C7orf57: variants seen among roughly 807,000 people sequenced by gnomAD.
C7orf57 encodes uncharacterized protein C7orf57.
C7orf57 carries 33 observed loss-of-function variants against 39.0 expected under a neutral mutation model. That is an observed-to-expected ratio of 0.85 (90% CI 0.64 to 1.13). C7orf57 has a LOEUF of 1.13. Among genes scored for constraint, C7orf57 ranks in the 50% most tolerant of loss-of-function variants. C7orf57 has a pLI of 0.00. For synonymous variants in C7orf57, 124 were observed against 137.1 expected (o/e 0.90, Z 0.67); for missense variants, 346 against 362.3 (o/e 0.95, Z 0.37).
intron 4 of C7orf57, among the ~76,000 whole-genome samples, chr7:48,044,085 G>T (rs1473283589): frequency 6.6e-6 from 1 of 152,186 alleles, no homozygotes; most frequent in East Asian, 1.9e-4. Context: ...GGCTCCATTA[G>T]GACGAACCCG....
intron 2 of C7orf57, among the ~76,000 whole-genome samples, chr7:48,037,749 C>CTGTGTGTGTGTGTGTGTG (rs71006544): frequency 4.3e-4 from 65 of 150,682 alleles, no homozygotes; most frequent in Admixed American, 6.0e-4. Context: ...CTTTAACCCT[C>CTGTGTGTGTGTGTGTGTG]TGTGTGTGTG....
chr7:48,045,479 C>T (rs1879831), intron 4 of C7orf57, among the ~76,000 whole-genome samples: 130,345 of 151,866 alleles, frequency 0.86, 56,493 homozygotes, highest in Non-Finnish European at 0.93. Context: ...AGCCTCTGAC[C>T]GCTGCTCTCT....
In C7orf57 at chr7:48,037,749, C is replaced by CTGTGTGTGTGTGTGTG. The variant is rs71006544; in HGVS notation, c.55+1391_55+1406dup. ...GATAACTCTTAGTCCCTTTAACCCT[C>CTGTGTGTGTGTGTGTG]TGTGTGTGTGTGTGTGTGTGCGCGC... On this transcript the variant is annotated intron_variant, in intron 2 of 8. Coordinates refer to ENST00000348904, the MANE Select transcript of C7orf57 (RefSeq NM_001100159.3). 1.0e-2 allele frequency among the ~76,000 whole-genome samples: 1,501 copies of CTGTGTGTGTGTGTGTG among 150,672 alleles called. 12 individuals are homozygous for CTGTGTGTGTGTGTGTG. Among genetic ancestry groups the CTGTGTGTGTGTGTGTG allele is most frequent in the Middle Eastern group, 0.028 (8 of 288 alleles).
At position 48,035,747 on chromosome 7, in the gene C7orf57, C is replaced by A. The variant is rs1306425899; in HGVS notation, c.-102+117C>A. ...GCCGGGGCTGGAGGGAGGGGACCAC[C>A]TTGTCGCCGGGTTGGGATGAGCACA... is the stretch of plus-strand genomic sequence containing the variant. On this transcript the variant is annotated intron_variant, in intron 1 of 8. Coordinates refer to ENST00000348904, the MANE Select transcript of C7orf57 (RefSeq NM_001100159.3). The surrounding 1 kb of genome is among the most constrained non-coding windows in gnomAD (Gnocchi z 4.0). 6.9e-6 allele frequency: 4 copies of A among 583,090 alleles called. No individual in the cohort carries two copies. Among genetic ancestry groups the A allele is most frequent in the African/African-American group, 2.0e-5 (1 of 51,166 alleles). 36.1% of individuals were successfully genotyped at this position (583,090 alleles called of 1,614,324 possible). A position where few individuals can be genotyped will look rare whatever the true frequency, so the allele number is the denominator to read the frequency against.
intron 6 of C7orf57, among the ~76,000 whole-genome samples, chr7:48,052,184 G>A (rs1044685473): frequency 2.9e-4 from 44 of 151,938 alleles, no homozygotes; most frequent in African/African-American, 1.0e-3. Context: ...AGGTTGACCA[G>A]GATGGCCTCG....
chr7:48,044,094 C>G (rs997602151), intron 4 of C7orf57, among the ~76,000 whole-genome samples: 2 of 152,128 alleles, frequency 1.3e-5, no homozygotes, highest in African/African-American at 4.8e-5. Flanking sequence ...AGGACGAACC[C>G]GGGCACTTAG....
At chr7:48,056,484 G>A (rs1791118722) in intron 8 of C7orf57, among the ~76,000 whole-genome samples, 1 of 151,816 alleles carries the variant, frequency 6.6e-6, no homozygotes, top group African/African-American at 2.4e-5. Context: ...TTGTTACTTG[G>A]GCTTTTGGTG....
rs1156334432 is a variant in C7orf57, at chr7:48,061,039, T to C, written c.*767T>C. The C allele has an allele frequency of 6.6e-6, 1 of 152,012 alleles. No individual in the cohort carries two copies. Among genetic ancestry groups the C allele is most frequent in the African/African-American group, 2.4e-5 (1 of 41,454 alleles). 9.4% of individuals were successfully genotyped at this position (152,012 alleles called of 1,614,324 possible). Reference sequence around the variant, plus strand: ...TATGTTTTGTACATTAATTGATTAATAAAATAATAATTTTATGTGAGAATG... The same window carrying C: ...TATGTTTTGTACATTAATTGATTAACAAAATAATAATTTTATGTGAGAATG... On this transcript the variant is annotated 3_prime_UTR_variant, in exon 9 of 9. Transcript: ENST00000348904.
At chr7:48,051,754 C>A (rs13241437) in intron 6 of C7orf57, among the ~76,000 whole-genome samples, 1 of 12,892 alleles carries the variant, frequency 7.8e-5, no homozygotes, top group Non-Finnish European at 2.0e-4. Context: ...TTTTTCTTTT[C>A]TTTCTTTCTT....
At chr7:48,038,381 C>CGTATATAT (rs1554298418) in intron 2 of C7orf57, among the ~76,000 whole-genome samples, 1 of 128,928 alleles carries the variant, frequency 7.8e-6, no homozygotes, top group Non-Finnish European at 1.6e-5. Flanking sequence ...TTTCTATATA[C>CGTATATAT]ATATAGATAG....
chr7:48,058,117 T>G (rs1467368382), intron 8 of C7orf57, among the ~76,000 whole-genome samples: 1 of 152,192 alleles, frequency 6.6e-6, no homozygotes. Context: ...TGTGAATTTT[T>G]GCATCTATGT....
At chr7:48,043,942 T>C (rs1415973388) in intron 4 of C7orf57, among the ~76,000 whole-genome samples, 1 of 152,076 alleles carries the variant, frequency 6.6e-6, no homozygotes, top group East Asian at 1.9e-4. Flanking sequence ...TGGCAAGCCT[T>C]TTGTTCTCTG....
At chr7:48,036,770 C>T (rs1387727517) in intron 2 of C7orf57, among the ~76,000 whole-genome samples, 2 of 152,136 alleles carry the variant, frequency 1.3e-5, no homozygotes, top group Non-Finnish European at 2.9e-5. Flanking sequence ...ATCCCTAGCC[C>T]TTGCTCCTAC....
intron 5 of C7orf57, among the ~76,000 whole-genome samples, chr7:48,048,994 T>G (rs900820757): frequency 6.6e-6 from 1 of 151,950 alleles, no homozygotes; most frequent in Non-Finnish European, 1.5e-5. Context: ...ATAAGCTCTC[T>G]CCAGCCAGGA....
rs1790541164 is a variant in C7orf57, at chr7:48,041,345, C to T, written c.67C>T (p.His23Tyr). The change falls in exon 3 of 9, where the codon CAC becomes TAC. Residue 23 changes from histidine (H) to tyrosine (Y), a missense_variant. Transcript: ENST00000348904. Reference sequence around the variant, plus strand: ...TCTCTCCTCTATAGATTGGTATTACCACGTCCCAGTGAAGCGCTCTGAGAA... The same window carrying T: ...TCTCTCCTCTATAGATTGGTATTACTACGTCCCAGTGAAGCGCTCTGAGAA... The part of the protein sequence containing the change: ...HRYAPCDWYY[H>Y]VPVKRSEKAV... The T allele has an allele frequency of 6.2e-7, 1 of 1,612,812 alleles. No individual in the cohort carries two copies. The highest frequency in any genetic ancestry group is 8.5e-7 in the Non-Finnish European group (1 of 1,179,308).
chr7:48,036,439 C>G (rs1054642958), intron 2 of C7orf57, 76 bp downstream of exon 2: 3 of 1,353,824 alleles, frequency 2.2e-6, no homozygotes, highest in Non-Finnish European at 3.0e-6. Flanking sequence ...CGCTGTGGAC[C>G]CAACGTCCTC....
Position 48,041,509 on chromosome 7 carries a change from T to C in C7orf57, c.231T>C (p.Gly77=), listed in dbSNP as rs2128791328. Residue 77 remains glycine, a synonymous_variant, in exon 3 of 9, where the codon GGT becomes GGC. Transcript: ENST00000348904. ...DSEYVKLAKQ[G]GRPDLLKHFA... is the part of the protein sequence containing the mutation. ...AATATGTGAAGCTCGCGAAACAAGG[T>C]GGCAGGCCCGGTGAGCCCCCTCCTG... is the stretch of plus-strand genomic sequence containing the variant. The C allele has an allele frequency of 6.2e-7, 1 of 1,605,038 alleles. No individual in the cohort carries two copies. Among genetic ancestry groups the C allele is most frequent in the Non-Finnish European group, 8.5e-7 (1 of 1,173,890 alleles).
intron 2 of C7orf57, among the ~76,000 whole-genome samples, chr7:48,038,931 A>C (rs1425165962): frequency 6.6e-6 from 1 of 152,164 alleles, no homozygotes; most frequent in Non-Finnish European, 1.5e-5. Context: ...ATTGGTTGCA[A>C]GTTATTATCC....
intron 8 of C7orf57, among the ~76,000 whole-genome samples, chr7:48,058,031 C>T (rs1006034901): frequency 3.9e-5 from 6 of 152,020 alleles, no homozygotes; most frequent in African/African-American, 1.4e-4. Flanking sequence ...TCCTTGCTTA[C>T]CAGGGATAAA....
Sources: allele counts gnomAD v4.1 joint callset (sites outside exome capture counted in the v4.1 genomes callset), GRCh38; gene constraint gnomAD v4.1.1; non-coding constraint Gnocchi (gnomAD v3.1); transcripts MANE v1.5; gene names NCBI Gene and HGNC (gene_info 2026-07-23, HGNC 2026-07-21).